The following FAR1 variants were observed in gnomAD, a reference collection of about 807,000 sequenced individuals.
FAR1 encodes the protein fatty acyl-CoA reductase 1, also known as male sterility domain-containing protein 2.
In FAR1, 22 loss-of-function variants were observed where a neutral mutation model predicts 61.1. The observed-to-expected ratio is 0.36, with a 90% CI of 0.26 to 0.51. The LOEUF is 0.51. Among genes scored for constraint, FAR1 ranks in the 20% least tolerant of loss-of-function variants. FAR1 has a pLI of 0.95. For synonymous variants in FAR1, 206 were observed against 209.7 expected (o/e 0.98, Z 0.15); for missense variants, 359 against 626.9 (o/e 0.57, Z 4.56).
rs995511824 is a variant in FAR1, at chr11:13,730,941, T to C, written c.*2167T>C. ...TTGTTAATCCCCACCAGCTAGACTT[T>C]GAACTTAAGTCAGACTTAAAGATTT... On this transcript the variant is annotated 3_prime_UTR_variant, in exon 12 of 12. Transcript: ENST00000354817. The C allele has an allele frequency of 2.0e-5, 3 of 152,158 alleles. No homozygotes were observed. The highest frequency in any genetic ancestry group is 7.2e-5 in the African/African-American group (3 of 41,460). 9.4% of individuals were successfully genotyped at this position (152,158 alleles called of 1,614,324 possible). A position where few individuals can be genotyped will look rare whatever the true frequency, so the allele number is the denominator to read the frequency against.
chr11:13,688,251 T>C (rs1036749289), intron 1 of FAR1, among the ~76,000 whole-genome samples: 1 of 151,190 alleles, frequency 6.6e-6, no homozygotes, highest in East Asian at 1.9e-4. Flanking sequence ...TGTTTTTTTT[T>C]CCCCTAGGAG....
chr11:13,681,638 C>T (rs1314090119), intron 1 of FAR1, among the ~76,000 whole-genome samples: 1 of 152,180 alleles, frequency 6.6e-6, no homozygotes, highest in Non-Finnish European at 1.5e-5. Flanking sequence ...ATTCTGAGGT[C>T]CCCATGCTAT....
chr11:13,722,465 A>G (rs1223118552), intron 10 of FAR1, among the ~76,000 whole-genome samples: 1 of 151,528 alleles, frequency 6.6e-6, no homozygotes, highest in Non-Finnish European at 1.5e-5. Flanking sequence ...TCAGTTCTCT[A>G]ATTTTTTTTT....
At chr11:13,669,257 G>C (rs1325078222) in intron 1 of FAR1, 1 of 152,990 alleles carries the variant, frequency 6.5e-6, no homozygotes, top group Non-Finnish European at 1.5e-5. Flanking sequence ...GCTCAGAAAA[G>C]GGTGCTGAGG....
intron 1 of FAR1, among the ~76,000 whole-genome samples, chr11:13,681,527 G>A (rs2134170639): frequency 6.6e-6 from 1 of 152,292 alleles, no homozygotes; most frequent in South Asian, 2.1e-4. Flanking sequence ...AAATTACACT[G>A]TATGACTTCC....
At chr11:13,673,605 G>A (rs1350692121) in intron 1 of FAR1, among the ~76,000 whole-genome samples, 3 of 152,194 alleles carry the variant, frequency 2.0e-5, no homozygotes, top group African/African-American at 7.2e-5. Context: ...TAGAAGATGA[G>A]ACTCTTGCTC....
chr11:13,700,495 A>G lies in FAR1; in HGVS notation c.365+3A>G. The stretch of plus-strand genomic sequence containing the variant: ...GTAAGGTTTAATGAAAATTTAAGGT[A>G]AGTACAAGTAATTATATAATATTTG... On this transcript the variant is annotated splice_donor_region_variant and intron_variant, in intron 3 of 11. Coordinates refer to ENST00000354817, the MANE Select transcript of FAR1 (RefSeq NM_032228.6). 6.9e-7 allele frequency: 1 copy of G among 1,444,268 alleles called. No individual in the cohort carries two copies. Among genetic ancestry groups the G allele is most frequent in the Non-Finnish European group, 9.2e-7 (1 of 1,081,678 alleles). The allele number at this position is 1,444,268 out of a possible 1,614,324, so 89.5% of individuals were successfully genotyped here.
chr11:13,713,127 G>A (rs775746280), intron 8 of FAR1, 94 bp downstream of exon 8: 2 of 1,039,092 alleles, frequency 1.9e-6, no homozygotes, highest in Admixed American at 3.4e-5. Context: ...GAGGCATTAA[G>A]GCCACTGAGT....
At chr11:13,688,837 T>G (rs1027927109) in intron 1 of FAR1, among the ~76,000 whole-genome samples, 2 of 152,178 alleles carry the variant, frequency 1.3e-5, no homozygotes, top group Non-Finnish European at 2.9e-5. Context: ...TTTATTTATT[T>G]TTTTTAAGAG....
chr11:13,717,789 CTG>C (rs1055616226), intron 9 of FAR1, among the ~76,000 whole-genome samples: 2 of 152,208 alleles, frequency 1.3e-5, no homozygotes, highest in Admixed American at 1.3e-4. Flanking sequence ...ATGAATATGA[CTG>C]TGTCCCAGTA....
intron 1 of FAR1, 62 bp from the exon 2 acceptor site, chr11:13,694,697 T>A: frequency 7.3e-7 from 1 of 1,364,380 alleles, no homozygotes; most frequent in Admixed American, 2.3e-5. Context: ...CCAAGAGATT[T>A]TTAGTATGAA....
chr11:13,694,811 A>G lies in FAR1; in HGVS notation c.46A>G (p.Thr16Ala). Reference protein sequence around the residue: ...EYYEGKNVLLTGATGFLGKVL... With the variant: ...EYYEGKNVLLAGATGFLGKVL... ...CTATGAAGGCAAGAACGTCCTCCTC[A>G]CAGGAGCTACCGGTTTTCTAGGGAA... Residue 16 changes from threonine (T) to alanine (A), a missense_variant, in exon 2 of 12, where the codon ACA (threonine) becomes GCA (alanine). Coordinates refer to ENST00000354817, the MANE Select transcript of FAR1 (RefSeq NM_032228.6). 1.2e-6 allele frequency: 2 copies of G among 1,614,056 alleles called. No individual in the cohort carries two copies. The highest frequency in any genetic ancestry group is 1.7e-6 in the Non-Finnish European group (2 of 1,179,932).
Position 13,715,873 on chromosome 11 carries a change from T to C in FAR1, c.1127+1193T>C, listed in dbSNP as rs565903976. On this transcript the variant is annotated intron_variant, in intron 9 of 11. Transcript: ENST00000354817. ...GAAGATGCTGATCCCAGAACTTCCA[T>C]CAACTACTCAAAAAATAAAAGTGAG... 6 of 151,840 alleles carry C rather than the reference T, an allele frequency of 4.0e-5. No homozygotes were observed. In the South Asian group the frequency reaches 1.3e-3, roughly 32 times the overall value. 9.4% of individuals were successfully genotyped at this position (151,840 alleles called of 1,614,324 possible).
At chr11:13,712,916 T>A (rs1389060727) in intron 7 of FAR1, 50 bp from the exon 8 acceptor site, 1 of 1,444,898 alleles carries the variant, frequency 6.9e-7, no homozygotes, top group South Asian at 1.2e-5. Flanking sequence ...TTAGATTGGA[T>A]ATGTTTGGCC....
chr11:13,695,872 A>G (rs1211461251), intron 2 of FAR1, among the ~76,000 whole-genome samples: 1 of 152,142 alleles, frequency 6.6e-6, no homozygotes, highest in Non-Finnish European at 1.5e-5. Flanking sequence ...ATTCCTCATT[A>G]TGTTGGTTTT....
At chr11:13,673,358 A>G (rs1047501362) in intron 1 of FAR1, among the ~76,000 whole-genome samples, 3 of 152,206 alleles carry the variant, frequency 2.0e-5, no homozygotes, top group Non-Finnish European at 4.4e-5. Context: ...TCAACAAATT[A>G]CCACATTTGA....
intron 2 of FAR1, 86 bp downstream of exon 2, chr11:13,695,040 ATTTC>A: frequency 9.0e-7 from 1 of 1,111,624 alleles, no homozygotes; most frequent in Non-Finnish European, 1.2e-6. Flanking sequence ...AGCTTGGTAT[ATTTC>A]TTCAGTATTC....
In FAR1 at chr11:13,700,355, A is replaced by G; in HGVS notation, c.228A>G (p.Arg76=). The G allele has an allele frequency of 1.3e-6, 2 of 1,594,654 alleles. No individual in the cohort carries two copies. Among genetic ancestry groups the G allele is most frequent in the Non-Finnish European group, 1.7e-6 (2 of 1,174,004 alleles). ...TGAGAGATGAAAATCCAGATTTTAGAGAGAAAATTATAGCAATCAACAGCG... is the reference window on the plus strand; with the variant it reads ...TGAGAGATGAAAATCCAGATTTTAGGGAGAAAATTATAGCAATCAACAGCG... ...DRLRDENPDF[R]EKIIAINSEL... is the part of the protein sequence containing the mutation. The change falls in exon 3 of 12, where the codon AGA becomes AGG. Residue 76 remains arginine, a synonymous_variant. Transcript: ENST00000354817.
At chr11:13,719,099 A>G (rs914586519) in intron 9 of FAR1, among the ~76,000 whole-genome samples, 4 of 152,092 alleles carry the variant, frequency 2.6e-5, no homozygotes, top group East Asian at 1.9e-4. Context: ...GTTATTTTCA[A>G]CTCTCATTGA....
Sources: gnomAD v4.1 joint callset for allele counts (sites outside exome capture counted in the v4.1 genomes callset) on GRCh38, gnomAD v4.1.1 for gene constraint, MANE v1.5 for transcripts, NCBI Gene and HGNC (gene_info 2026-07-23, HGNC 2026-07-21) for gene names.